The following DAOA variants were observed in gnomAD, a reference collection of about 807,000 sequenced individuals.
The protein encoded by DAOA is D-amino acid oxidase regulator.
A neutral mutation model predicts 16.4 loss-of-function variants in DAOA; 15 were observed. The observed-to-expected ratio is 0.91, with a 90% CI of 0.61 to 1.41. DAOA has a LOEUF of 1.41. Ranked by LOEUF, DAOA falls within the 40% of genes most tolerant of loss-of-function variation. The pLI is 0.00. For synonymous variants in DAOA, 75 were observed against 59.1 expected (o/e 1.27, Z -1.23); for missense variants, 230 against 176.8 (o/e 1.30, Z -1.71).
At chr13:105,478,006 T>C (rs940489257) in intron 4 of DAOA, among the ~76,000 whole-genome samples, 1 of 152,200 alleles carries the variant, frequency 6.6e-6, no homozygotes, top group Non-Finnish European at 1.5e-5. Context: ...TCAAAAGATC[T>C]CTACTGTGCA....
At chr13:105,487,153 C>T (rs903259348) in intron 4 of DAOA, among the ~76,000 whole-genome samples, 13 of 152,126 alleles carry the variant, frequency 8.5e-5, no homozygotes, top group African/African-American at 3.1e-4. Context: ...ATTTTGCCAG[C>T]TGGTTTTGAA....
chr13:105,479,196 A>G (rs758831829), intron 4 of DAOA, among the ~76,000 whole-genome samples: 4 of 152,052 alleles, frequency 2.6e-5, no homozygotes, highest in Non-Finnish European at 5.9e-5. Context: ...TTCTGTTCGT[A>G]TTGTTTCTTG....
intron 3 of DAOA, chr13:105,467,599 T>TC (rs1876615429): frequency 6.6e-6 from 1 of 150,598 alleles, no homozygotes. Flanking sequence ...TTTTTTTTTT[T>TC]CTGGAGACAG....
intron 3 of DAOA, among the ~76,000 whole-genome samples, chr13:105,468,543 T>C (rs1876699845): frequency 6.6e-6 from 1 of 152,212 alleles, no homozygotes; most frequent in Non-Finnish European, 1.5e-5. Flanking sequence ...TATATTTCAA[T>C]TAATAGATTC....
chr13:105,469,882 G>T (rs548710340), intron 3 of DAOA, among the ~76,000 whole-genome samples: 2 of 152,196 alleles, frequency 1.3e-5, no homozygotes, highest in East Asian at 3.9e-4. Flanking sequence ...TGACAGTTGT[G>T]TTTTCTCAGT....
intron 3 of DAOA, among the ~76,000 whole-genome samples, chr13:105,469,729 G>T (rs993860767): frequency 6.6e-6 from 1 of 152,108 alleles, no homozygotes; most frequent in Non-Finnish European, 1.5e-5. Flanking sequence ...ACTAATAAAA[G>T]CCCTAAATTT....
At chr13:105,473,007 C>G (rs756689631) in intron 4 of DAOA, among the ~76,000 whole-genome samples, 1 of 152,016 alleles carries the variant, frequency 6.6e-6, no homozygotes, top group Non-Finnish European at 1.5e-5. Context: ...TCAAAATACC[C>G]ATCTTTGTCA....
In DAOA at chr13:105,466,211, T is replaced by A; in HGVS notation, c.-73-5T>A. The A allele has an allele frequency of 6.2e-7, 1 of 1,605,926 alleles. No individual in the cohort carries two copies. Among genetic ancestry groups the A allele is most frequent in the Non-Finnish European group, 8.5e-7 (1 of 1,175,520 alleles). On this transcript the variant is annotated splice_polypyrimidine_tract_variant and splice_region_variant and intron_variant, in intron 1 of 5. Coordinates refer to ENST00000375936, the MANE Select transcript of DAOA (RefSeq NM_172370.5). ...CTAGTGTATATGATGATTCTGTTGG[T>A]CCAGGATTTGGAAAGGGCATGGCAG...
At chr13:105,478,195 G>C (rs1566378388) in intron 4 of DAOA, among the ~76,000 whole-genome samples, 1 of 152,096 alleles carries the variant, frequency 6.6e-6, no homozygotes, top group Admixed American at 6.5e-5. Flanking sequence ...AAAAATGATT[G>C]TTTTTTACAC....
At chr13:105,469,321 G>A (rs954322753) in intron 3 of DAOA, among the ~76,000 whole-genome samples, 1 of 152,080 alleles carries the variant, frequency 6.6e-6, no homozygotes, top group Non-Finnish European at 1.5e-5. Flanking sequence ...AATTTTTCCT[G>A]TATTAAAACT....
intron 2 of DAOA, 134 bp downstream of exon 2, chr13:105,466,466 A>G: frequency 7.0e-7 from 1 of 1,424,672 alleles, no homozygotes. Flanking sequence ...GCCTGAGCCC[A>G]GTATATGGTT....
intron 4 of DAOA, 158 bp from the exon 5 acceptor site, chr13:105,489,743 T>C: frequency 6.6e-7 from 1 of 1,506,070 alleles, no homozygotes; most frequent in Non-Finnish European, 8.9e-7. Context: ...AATCTTGACT[T>C]CTTGGTGGTC....
chr13:105,489,285 TC>T, intron 4 of DAOA, among the ~76,000 whole-genome samples: 1 of 152,304 alleles, frequency 6.6e-6, no homozygotes, highest in Non-Finnish European at 1.5e-5. Flanking sequence ...GAATTCCTGC[TC>T]CAAAATTCTT....
At chr13:105,489,762 G>T in intron 4 of DAOA, 139 bp from the exon 5 acceptor site, 1 of 1,570,102 alleles carries the variant, frequency 6.4e-7, no homozygotes, top group East Asian at 2.3e-5. Context: ...TCACACATTT[G>T]TATAACCCCT....
At chr13:105,466,662 G>T (rs1876536535) in intron 2 of DAOA, among the ~76,000 whole-genome samples, 2 of 152,146 alleles carry the variant, frequency 1.3e-5, no homozygotes, top group Non-Finnish European at 1.5e-5. Flanking sequence ...CACTCCATCT[G>T]CCTGTGCTAA....
At chr13:105,477,502 G>A (rs9519685) in intron 4 of DAOA, among the ~76,000 whole-genome samples, 54,493 of 151,926 alleles carry the variant, frequency 0.36, 9,893 homozygotes, top group African/African-American at 0.4. Context: ...CCAAAGTAGG[G>A]GAACTGCTTG....
At position 105,469,519 on chromosome 13, in the gene DAOA, G is replaced by GAT. The variant is rs530207924; in HGVS notation, c.133+2385_133+2386dup. On this transcript the variant is annotated intron_variant, in intron 3 of 5. Coordinates refer to ENST00000375936, the MANE Select transcript of DAOA (RefSeq NM_172370.5). Reference sequence around the variant, plus strand: ...ACATTTCTGACACATAGATGAAGGGGATATATATTTTATGAAGTAATGAGC... The same window carrying GAT: ...ACATTTCTGACACATAGATGAAGGGGATATATATATTTTATGAAGTAATGAGC... Among the ~76,000 whole-genome samples, 140 of 152,272 alleles carry GAT rather than the reference G, an allele frequency of 9.2e-4. 1 individual carries two copies. The highest frequency in any genetic ancestry group is 1.9e-3 in the South Asian group (9 of 4,830).
intron 4 of DAOA, among the ~76,000 whole-genome samples, chr13:105,479,245 A>T (rs9558567): frequency 0.29 from 44,340 of 152,068 alleles, 7,721 homozygotes; most frequent in East Asian, 0.57. Context: ...AATAAAAGCA[A>T]ATAGGAGAGA....
At chr13:105,485,941 C>T (rs1234025042) in intron 4 of DAOA, among the ~76,000 whole-genome samples, 2 of 152,170 alleles carry the variant, frequency 1.3e-5, no homozygotes, top group Non-Finnish European at 2.9e-5. Flanking sequence ...TTAAGCTACT[C>T]CATTCACAGT....
Sources: allele counts gnomAD v4.1 joint callset (sites outside exome capture counted in the v4.1 genomes callset), GRCh38; gene constraint gnomAD v4.1.1; transcripts MANE v1.5; gene names NCBI Gene and HGNC (gene_info 2026-07-23, HGNC 2026-07-21).